GRM4: variants seen among roughly 807,000 people sequenced by gnomAD.
GRM4 encodes glutamate metabotropic receptor 4.
GRM4 carries 28 observed loss-of-function variants against 81.7 expected under a neutral mutation model. The ratio of observed to expected loss-of-function variants is 0.34; its 90% CI spans 0.25 to 0.47. The LOEUF (loss-of-function observed/expected upper bound fraction) is 0.47, where lower values mean the gene tolerates loss of function less well. Ranked by LOEUF, GRM4 falls within the 20% of genes least tolerant of loss-of-function variation. GRM4 has a pLI of 1.00. For missense variants in GRM4, 948 were observed against 1,290.0 expected (o/e 0.73, Z 4.06); for synonymous variants, 488 against 528.8 (o/e 0.92, Z 1.06).
intron 6 of GRM4, chr6:34,056,259 C>T (rs1765864402): frequency 2.3e-6 from 1 of 440,098 alleles, no homozygotes; most frequent in Non-Finnish European, 4.1e-6. Flanking sequence ...GGGGTCAGTT[C>T]AGTGCTGTGG....
At position 34,101,415 on chromosome 6, in the gene GRM4, G is replaced by A. The variant is rs148198132; in HGVS notation, c.520-9316C>T. On this transcript the variant is annotated intron_variant, in intron 2 of 10. Transcript: ENST00000538487. ...GATTTGAACTCGAACTAGCTGCAGAGCCCATGCTGCTGTCAGGTAAAACCT... is the reference window on the plus strand; with the variant it reads ...GATTTGAACTCGAACTAGCTGCAGAACCCATGCTGCTGTCAGGTAAAACCT... 1.6e-3 allele frequency among the ~76,000 whole-genome samples: 240 copies of A among 152,332 alleles called. 1 individual carries two copies. The highest frequency in any genetic ancestry group is 5.3e-3 in the African/African-American group (220 of 41,568).
At chr6:34,118,513 T>C (rs1769682675) in intron 2 of GRM4, among the ~76,000 whole-genome samples, 1 of 152,190 alleles carries the variant, frequency 6.6e-6, no homozygotes, top group Non-Finnish European at 1.5e-5. Context: ...GGGCCTCAGT[T>C]TCCTCATCTG....
chr6:34,036,007 G>A lies in GRM4; in HGVS notation c.2103C>T (p.Ala701=). 1 of 1,614,034 alleles carries A rather than the reference G, an allele frequency of 6.2e-7. No homozygotes were observed. The highest frequency in any genetic ancestry group is 2.2e-5 in the East Asian group (1 of 44,884). Residue 701 remains alanine (A), a synonymous_variant, in exon 9 of 11, where the codon GCC becomes GCT. Coordinates refer to ENST00000538487, the MANE Select transcript of GRM4 (RefSeq NM_000841.4). The surrounding 1 kb of genome is among the most constrained non-coding windows in gnomAD (Gnocchi z 9.0). ...GCAGCGAGATGAGGCTGAAGGTGAT[G>A]GCCAGCTGTGAGGCGGGGCTGATGA... The part of the protein sequence containing the change: ...PRFISPASQL[A]ITFSLISLQL...
intron 3 of GRM4, among the ~76,000 whole-genome samples, chr6:34,076,944 G>C (rs1183112597): frequency 6.6e-6 from 1 of 152,070 alleles, no homozygotes; most frequent in Non-Finnish European, 1.5e-5. Flanking sequence ...TGGATCCTGG[G>C]AGCAGCCTTG....
At chr6:34,027,422 C>G (rs6907048) in intron 10 of GRM4, among the ~76,000 whole-genome samples, 14,166 of 152,170 alleles carry the variant, frequency 0.093, 1,490 homozygotes, top group African/African-American at 0.26. Flanking sequence ...TCCCCCACCA[C>G]AAAGCATGAC....
chr6:34,056,509 G>T, intron 6 of GRM4, 35 bp downstream of exon 6: 1 of 1,593,048 alleles, frequency 6.3e-7, no homozygotes, highest in Non-Finnish European at 8.6e-7. Flanking sequence ...GCTCCTCCTA[G>T]AGCCCGCCCG....
chr6:34,106,963 T>G (rs1321522149), intron 2 of GRM4, among the ~76,000 whole-genome samples: 1 of 152,234 alleles, frequency 6.6e-6, no homozygotes, highest in Non-Finnish European at 1.5e-5. Context: ...CCTGGCCTGG[T>G]GTGGATGAGG....
rs1222804124 is a variant in GRM4, at chr6:34,078,340, T to G, written c.736+13543A>C. 6.6e-6 allele frequency among the ~76,000 whole-genome samples: 1 copy of G among 151,954 alleles called. No individual in the cohort carries two copies. The highest frequency in any genetic ancestry group is 1.5e-5 in the Non-Finnish European group (1 of 67,994). On this transcript the variant is annotated intron_variant, in intron 3 of 10. Coordinates refer to ENST00000538487, the MANE Select transcript of GRM4 (RefSeq NM_000841.4). The surrounding 1 kb of genome is among the most constrained non-coding windows in gnomAD (Gnocchi z 4.8). The stretch of plus-strand genomic sequence containing the variant: ...ACAGCCCCTCATGTTCACACAGCAC[T>G]CCCAGTAGAGTAACCTTTCTACGTG...
Position 34,121,769 on chromosome 6 carries a change from C to T in GRM4, c.519+11209G>A, listed in dbSNP as rs1245122403. ...AGGAATGAAGGAATGGGAGGAGGGA[C>T]AGGAAGGAGAATCCAGCCTTCTCCT... On this transcript the variant is annotated intron_variant, in intron 2 of 10. Coordinates refer to ENST00000538487, the MANE Select transcript of GRM4 (RefSeq NM_000841.4). This position sits in a 1 kb window ranked among gnomAD's most constrained non-coding sequence, Gnocchi z 4.6. Among the ~76,000 whole-genome samples, 1 of 152,124 alleles carries T rather than the reference C, an allele frequency of 6.6e-6. No homozygotes were observed. The highest frequency in any genetic ancestry group is 1.5e-5 in the Non-Finnish European group (1 of 68,028).
chr6:34,151,015 C>T (rs143240782), upstream of GRM4, among the ~76,000 whole-genome samples: 188 of 152,298 alleles, frequency 1.2e-3, 2 homozygotes, highest in Non-Finnish European at 2.3e-3. Context: ...GCCCCTCCCA[C>T]GCCCTGCCAT....
At chr6:34,056,436 G>GACAGACAAAGGGAGACGTCCT in intron 6 of GRM4, 108 bp downstream of exon 6, 1 of 998,630 alleles carries the variant, frequency 1.0e-6, no homozygotes, top group Non-Finnish European at 1.4e-6. Context: ...GTCCTGCCAC[G>GACAGACAAAGGGAGACGTCCT]GCCGGCCGAC....
rs1026687470 is a variant in GRM4 at position 34,056,793 on chromosome 6, C to G, written c.1028-109G>C. 3.3e-6 allele frequency: 4 copies of G among 1,198,344 alleles called. No individual in the cohort carries two copies. In the African/African-American group the frequency reaches 6.1e-5, roughly 18 times the overall value. 74.2% of individuals were successfully genotyped at this position (1,198,344 alleles called of 1,614,324 possible). ...ATGGTCCAGGCGGAGGGAGAGAGAC[C>G]AGGAGGAGCACATCCTCTGATCCAG... On this transcript the variant is annotated intron_variant, in intron 5 of 10. Transcript: ENST00000538487.
intron 4 of GRM4, chr6:34,061,555 G>C (rs1039239951): frequency 8.6e-6 from 2 of 231,786 alleles, no homozygotes; most frequent in African/African-American, 4.5e-5. Flanking sequence ...ATTCACCTGG[G>C]GTCACACAGC....
chr6:34,115,711 C>G lies in GRM4; in HGVS notation c.519+17267G>C, dbSNP rs929208356. On this transcript the variant is annotated intron_variant, in intron 2 of 10. Coordinates refer to ENST00000538487, the MANE Select transcript of GRM4 (RefSeq NM_000841.4). This position sits in a 1 kb window ranked among gnomAD's most constrained non-coding sequence, Gnocchi z 4.1. The stretch of plus-strand genomic sequence containing the variant: ...TCCAATCCTCTGTCTGCTCCCAGCC[C>G]TCCCTAAATAACTGTGCAGCGCGAG... Among the ~76,000 whole-genome samples, 1 of 152,226 alleles carries G rather than the reference C, an allele frequency of 6.6e-6. No individual in the cohort carries two copies. The highest frequency in any genetic ancestry group is 6.5e-5 in the Admixed American group (1 of 15,290).
At chr6:34,124,384 C>T (rs1414095408) in intron 2 of GRM4, among the ~76,000 whole-genome samples, 1 of 152,202 alleles carries the variant, frequency 6.6e-6, no homozygotes, top group African/African-American at 2.4e-5. Context: ...ACATTCCCTC[C>T]CATGCGGCTC....
At chr6:34,116,299 G>T (rs1319198733) in intron 2 of GRM4, among the ~76,000 whole-genome samples, 1 of 152,200 alleles carries the variant, frequency 6.6e-6, no homozygotes, top group East Asian at 1.9e-4. Flanking sequence ...AATGGGGCCG[G>T]TGATACTGAC....
At chr6:34,102,189 C>A (rs1404829967) in intron 2 of GRM4, 4 of 1,526,834 alleles carry the variant, frequency 2.6e-6, no homozygotes, top group Middle Eastern at 1.7e-4. Flanking sequence ...TAGGTCTCCC[C>A]ACTTCCTGCA....
Position 34,133,941 on chromosome 6 carries a change from T to C in GRM4, c.-363-82A>G. ...CTAGTCTCATCTCTCATCAGGAGCCTGAGAGAAGGAGATGCTAGAGGTTAT... is the reference window on the plus strand; with the variant it reads ...CTAGTCTCATCTCTCATCAGGAGCCCGAGAGAAGGAGATGCTAGAGGTTAT... On this transcript the variant is annotated intron_variant, in intron 1 of 10. Transcript: ENST00000538487. The surrounding 1 kb of genome is among the most constrained non-coding windows in gnomAD (Gnocchi z 6.5). 1 of 595,876 alleles carries C rather than the reference T, an allele frequency of 1.7e-6. No individual in the cohort carries two copies. Among genetic ancestry groups the C allele is most frequent in the Non-Finnish European group, 2.1e-6 (1 of 472,274 alleles). 36.9% of individuals were successfully genotyped at this position (595,876 alleles called of 1,614,324 possible). A position where few individuals can be genotyped will look rare whatever the true frequency, so the allele number is the denominator to read the frequency against.
intron 2 of GRM4, among the ~76,000 whole-genome samples, chr6:34,122,439 C>G (rs978522640): frequency 4.6e-5 from 7 of 152,098 alleles, no homozygotes; most frequent in African/African-American, 1.7e-4. Context: ...AGAGGCCGGC[C>G]CTGCCTCTCC....
Sources: gnomAD v4.1 joint callset for allele counts (sites outside exome capture counted in the v4.1 genomes callset) on GRCh38, gnomAD v4.1.1 for gene constraint, Gnocchi (gnomAD v3.1) non-coding constraint, MANE v1.5 for transcripts, NCBI Gene and HGNC (gene_info 2026-07-23, HGNC 2026-07-21) for gene names.